MIA2: variants seen among roughly 807,000 people sequenced by gnomAD.
MIA2 encodes MIA SH3 domain ER export factor 2.
A neutral mutation model predicts 167.8 loss-of-function variants in MIA2; 127 were observed. The ratio of observed to expected loss-of-function variants is 0.76; its 90% CI spans 0.66 to 0.88. MIA2 has a LOEUF of 0.88. Among genes scored for constraint, MIA2 ranks in the 40% least tolerant of loss-of-function variants. The pLI is 0.00. For synonymous variants in MIA2, 552 were observed against 541.9 expected (o/e 1.02, Z -0.26); for missense variants, 1,690 against 1,624.7 (o/e 1.04, Z -0.69).
intron 13 of MIA2, 23 bp downstream of exon 13, chr14:39,295,052 TC>T (rs1305579842): frequency 6.9e-7 from 1 of 1,452,100 alleles, no homozygotes; most frequent in East Asian, 2.3e-5. Flanking sequence ...TAGGGACTCT[TC>T]AACTTGTGAA....
chr14:39,286,274 C>T (rs2059768427), intron 9 of MIA2, among the ~76,000 whole-genome samples: 1 of 152,228 alleles, frequency 6.6e-6, no homozygotes, highest in Non-Finnish European at 1.5e-5. Context: ...GAAACCCCGT[C>T]TCCACCAGAA....
chr14:39,332,260 A>G (rs1198892040), intron 25 of MIA2, among the ~76,000 whole-genome samples: 2 of 152,116 alleles, frequency 1.3e-5, no homozygotes, highest in East Asian at 3.9e-4. Context: ...TGTATGCTTC[A>G]TGAAGTTCTC....
chr14:39,331,580 TG>T (rs2068883616), intron 25 of MIA2, among the ~76,000 whole-genome samples: 1 of 152,242 alleles, frequency 6.6e-6, no homozygotes, highest in African/African-American at 2.4e-5. Context: ...GTTGTGTTTT[TG>T]CAGTGGCTGG....
intron 2 of MIA2, among the ~76,000 whole-genome samples, chr14:39,238,807 A>AAAAAAAAAAAAAAAAAC (rs1566583465): frequency 6.7e-6 from 1 of 148,388 alleles, no homozygotes; most frequent in Non-Finnish European, 1.5e-5. Flanking sequence ...AAAAAAAAAA[A>AAAAAAAAAAAAAAAAAC]AAAACCCAAA....
At chr14:39,236,612 A>G (rs1243305168) in intron 1 of MIA2, among the ~76,000 whole-genome samples, 1 of 152,248 alleles carries the variant, frequency 6.6e-6, no homozygotes, top group African/African-American at 2.4e-5. Context: ...CTAGAGAATG[A>G]TAATGATATG....
chr14:39,333,334 C>A (rs1480942017), intron 25 of MIA2, among the ~76,000 whole-genome samples: 2 of 152,134 alleles, frequency 1.3e-5, no homozygotes, highest in Non-Finnish European at 2.9e-5. Context: ...GCAGCCTTTT[C>A]CCTTCTGTGG....
chr14:39,356,061 C>G (rs998339208), downstream of MIA2, among the ~76,000 whole-genome samples: 58 of 152,212 alleles, frequency 3.8e-4, no homozygotes, highest in Middle Eastern at 6.8e-3. Flanking sequence ...GATGATGCTG[C>G]CCTCATAAAA....
At chr14:39,346,733 T>C (rs2073348112) in intron 26 of MIA2, among the ~76,000 whole-genome samples, 1 of 149,688 alleles carries the variant, frequency 6.7e-6, no homozygotes, top group Non-Finnish European at 1.5e-5. Context: ...CATAGTAGAC[T>C]ATATAATATA....
At chr14:39,332,813 C>T (rs1361272842) in intron 25 of MIA2, among the ~76,000 whole-genome samples, 2 of 152,078 alleles carry the variant, frequency 1.3e-5, no homozygotes, top group South Asian at 2.1e-4. Flanking sequence ...AGACATCACC[C>T]GCCTTCTGCT....
intron 6 of MIA2, chr14:39,265,915 A>G (rs2055555864): frequency 4.3e-6 from 4 of 937,498 alleles, no homozygotes; most frequent in Non-Finnish European, 5.1e-6. Flanking sequence ...TTACTAAGCA[A>G]TTTTGGCTAC....
chr14:39,366,067 C>T (rs895157053), intron 23 of MIA2, among the ~76,000 whole-genome samples: 1 of 152,048 alleles, frequency 6.6e-6, no homozygotes, highest in African/African-American at 2.4e-5. Flanking sequence ...AGTGTAGTCT[C>T]TATGCAGTTT....
chr14:39,322,972 T>C (rs561964612), intron 24 of MIA2, among the ~76,000 whole-genome samples: 46 of 152,254 alleles, frequency 3.0e-4, no homozygotes, highest in African/African-American at 1.0e-3. Context: ...AAACACCAAA[T>C]TAAATCCAAC....
intron 9 of MIA2, among the ~76,000 whole-genome samples, chr14:39,282,709 G>A (rs547303313): frequency 6.6e-6 from 1 of 152,170 alleles, no homozygotes; most frequent in South Asian, 2.1e-4. Context: ...GAGTAACTGC[G>A]GCTACAGGCA....
At chr14:39,386,103 T>C in intron 23 of MIA2, 1 of 1,283,884 alleles carries the variant, frequency 7.8e-7, no homozygotes, top group Non-Finnish European at 1.1e-6. Context: ...CCAGGGTGCT[T>C]GATGACATCA....
At chr14:39,382,713 A>C (rs1037416094) in intron 23 of MIA2, among the ~76,000 whole-genome samples, 2 of 152,216 alleles carry the variant, frequency 1.3e-5, no homozygotes, top group Non-Finnish European at 2.9e-5. Context: ...GAACAAAAGG[A>C]AAAGCAGTTG....
intron 19 of MIA2, among the ~76,000 whole-genome samples, chr14:39,313,765 T>C (rs1265530188): frequency 1.3e-5 from 2 of 152,264 alleles, no homozygotes; most frequent in Admixed American, 1.3e-4. Flanking sequence ...TCCTTCCTCA[T>C]TGGTTCAAAT....
intron 14 of MIA2, among the ~76,000 whole-genome samples, chr14:39,301,273 A>G (rs1186072765): frequency 2.6e-5 from 4 of 152,164 alleles, no homozygotes; most frequent in Non-Finnish European, 5.9e-5. Context: ...CATTTTGGCC[A>G]GGCTAGTCTT....
chr14:39,282,095 G>A (rs1842756710), intron 9 of MIA2, among the ~76,000 whole-genome samples: 1 of 152,018 alleles, frequency 6.6e-6, no homozygotes, highest in Admixed American at 6.6e-5. Flanking sequence ...TTGAATGCCA[G>A]GTTATTTTAT....
At chr14:39,295,050 C>G in intron 13 of MIA2, 21 bp downstream of exon 13, 1 of 1,476,518 alleles carries the variant, frequency 6.8e-7, no homozygotes, top group Non-Finnish European at 9.5e-7. Context: ...CGTAGGGACT[C>G]TTCAACTTGT....
Sources: allele counts gnomAD v4.1 joint callset (sites outside exome capture counted in the v4.1 genomes callset), GRCh38; gene constraint gnomAD v4.1.1; transcripts MANE v1.5; gene names NCBI Gene and HGNC (gene_info 2026-07-23, HGNC 2026-07-21).